The following SPHKAP variants were observed in gnomAD, a reference collection of about 807,000 sequenced individuals.
SPHKAP encodes the protein SPHK1 interactor, AKAP domain containing, also known as A-kinase anchor protein SPHKAP.
SPHKAP carries 67 observed loss-of-function variants against 137.5 expected under a neutral mutation model. That is an observed-to-expected ratio of 0.49 (90% CI 0.40 to 0.60). SPHKAP has a LOEUF of 0.60. SPHKAP is among the 20% of genes least tolerant of loss of function. The pLI, the probability that SPHKAP is intolerant of heterozygous loss-of-function variation, is 0.00. For missense variants in SPHKAP, 2,097 were observed against 2,069.3 expected, an observed-to-expected ratio of 1.01 and a Z score of -0.26; for synonymous variants, 813 against 785.3, an observed-to-expected ratio of 1.04 and a Z score of -0.59.
chr2:227,997,693 GCT>G (rs1693686953), intron 7 of SPHKAP, among the ~76,000 whole-genome samples: 1 of 152,128 alleles, frequency 6.6e-6, no homozygotes, highest in African/African-American at 2.4e-5. Flanking sequence ...TTTAGCTGGA[GCT>G]CTCTCCCTTG....
chr2:228,095,553 A>G (rs914534524), intron 3 of SPHKAP, among the ~76,000 whole-genome samples: 2 of 152,128 alleles, frequency 1.3e-5, no homozygotes, highest in Non-Finnish European at 2.9e-5. Context: ...AGCAGTGAAA[A>G]CATGTCAGTA....
intron 1 of SPHKAP, among the ~76,000 whole-genome samples, chr2:228,161,892 C>T (rs1700286696): frequency 6.6e-6 from 1 of 152,110 alleles, no homozygotes; most frequent in Non-Finnish European, 1.5e-5. Context: ...TTGTTTATAG[C>T]ATTGCCAGTA....
intron 3 of SPHKAP, among the ~76,000 whole-genome samples, chr2:228,080,187 C>T (rs992640330): frequency 1.3e-5 from 2 of 151,842 alleles, no homozygotes; most frequent in Non-Finnish European, 2.9e-5. Context: ...AGTGAAGAGA[C>T]AACATATGGA....
At chr2:228,052,393 T>A (rs986163044) in intron 3 of SPHKAP, among the ~76,000 whole-genome samples, 1 of 152,150 alleles carries the variant, frequency 6.6e-6, no homozygotes, top group African/African-American at 2.4e-5. Flanking sequence ...CTTAGCATCA[T>A]GAAATTCTAG....
At chr2:228,000,593 G>A (rs935095053) in intron 7 of SPHKAP, among the ~76,000 whole-genome samples, 7 of 150,734 alleles carry the variant, frequency 4.6e-5, no homozygotes, top group Non-Finnish European at 1.0e-4. Flanking sequence ...ACTCCAGCCT[G>A]GGAGACAGTA....
chr2:228,080,766 A>G (rs1221290770), intron 3 of SPHKAP, among the ~76,000 whole-genome samples: 151 of 66,670 alleles, frequency 2.3e-3, no homozygotes, highest in African/African-American at 9.0e-3. Context: ...ATAAAATAAA[A>G]TAAAATAAAA....
intron 2 of SPHKAP, chr2:228,131,611 T>G (rs889870684): frequency 3.9e-6 from 1 of 253,594 alleles, no homozygotes; most frequent in East Asian, 1.8e-4. Context: ...AGCCCTAAAG[T>G]TTTCTTAGAT....
rs781483667 is a variant in SPHKAP, at chr2:228,017,526, C to G, written c.3328G>C (p.Val1110Leu). The stretch of plus-strand genomic sequence containing the variant: ...TTGGAGACAGAGCTGGCCCTGCTGA[C>G]CGGCTGGCTCAGCGTGCTCATTAAG... ...LGLMSTLSQP[V>L]SRASSVSKQS... Residue 1110 changes from valine (V) to leucine (L), a missense_variant, in exon 7 of 12, where the codon GTC becomes CTC. Val to Leu is a conservative substitution (Grantham distance 32, BLOSUM62 1). Transcript: ENST00000392056. 4.8e-5 allele frequency: 77 copies of G among 1,612,928 alleles called. No homozygotes were observed. The highest frequency in any genetic ancestry group is 1.9e-5 in the Non-Finnish European group (22 of 1,179,646).
chr2:228,085,766 CT>C (rs1697517804), intron 3 of SPHKAP, among the ~76,000 whole-genome samples: 1 of 152,040 alleles, frequency 6.6e-6, no homozygotes, highest in African/African-American at 2.4e-5. Flanking sequence ...ACAAAAGCAC[CT>C]TTTGAAGTTG....
At chr2:228,014,833 T>C (rs1425092749) in intron 7 of SPHKAP, among the ~76,000 whole-genome samples, 2 of 152,202 alleles carry the variant, frequency 1.3e-5, no homozygotes, top group African/African-American at 4.8e-5. Flanking sequence ...AATATAGGCA[T>C]ATGTCTCTGA....
chr2:228,034,306 T>C (rs1376825581), intron 3 of SPHKAP, among the ~76,000 whole-genome samples: 1 of 152,134 alleles, frequency 6.6e-6, no homozygotes, highest in African/African-American at 2.4e-5. Flanking sequence ...CCTCGACATA[T>C]ACACCCTCCC....
intron 7 of SPHKAP, among the ~76,000 whole-genome samples, chr2:228,003,260 T>G (rs532480171): frequency 6.6e-6 from 1 of 152,320 alleles, no homozygotes; most frequent in Admixed American, 6.5e-5. Flanking sequence ...TGGTTTGTAG[T>G]TCTCCTTGAA....
intron 7 of SPHKAP, among the ~76,000 whole-genome samples, chr2:228,012,551 C>G (rs1366418997): frequency 6.6e-6 from 1 of 152,162 alleles, no homozygotes; most frequent in Admixed American, 6.5e-5. Context: ...TTTTTCTCAT[C>G]ACACTGTACA....
chr2:227,990,556 A>AT (rs1693375404), intron 11 of SPHKAP, among the ~76,000 whole-genome samples: 1 of 152,180 alleles, frequency 6.6e-6, no homozygotes, highest in Admixed American at 6.5e-5. Flanking sequence ...TAATAAATAA[A>AT]AAGTCTTCCT....
At chr2:228,025,868 A>G in intron 4 of SPHKAP, 1 of 984,890 alleles carries the variant, frequency 1.0e-6, no homozygotes, top group Non-Finnish European at 1.2e-6. Context: ...TGCATAAAAC[A>G]TTTTTTGTTT....
At chr2:228,131,368 T>C in intron 2 of SPHKAP, 1 of 926,966 alleles carries the variant, frequency 1.1e-6, no homozygotes, top group Non-Finnish European at 1.3e-6. Flanking sequence ...ACCAGGATCG[T>C]GGACATTCTA....
At chr2:227,981,987 G>A in intron 11 of SPHKAP, 127 bp from the exon 12 acceptor site, 1 of 1,308,258 alleles carries the variant, frequency 7.6e-7, no homozygotes, top group Non-Finnish European at 9.8e-7. Flanking sequence ...TCAGAGGACT[G>A]TTTTCCGGGA....
intron 2 of SPHKAP, among the ~76,000 whole-genome samples, chr2:228,121,712 CT>C (rs761320148): frequency 8.8e-4 from 134 of 152,214 alleles, no homozygotes; most frequent in Non-Finnish European, 1.2e-3. Flanking sequence ...AGTGAGTTCC[CT>C]TCTCAAAAGG....
At chr2:228,143,729 C>A (rs1699679376) in intron 1 of SPHKAP, among the ~76,000 whole-genome samples, 1 of 136,896 alleles carries the variant, frequency 7.3e-6, no homozygotes, top group Non-Finnish European at 1.5e-5. Flanking sequence ...TAATCTCGAA[C>A]TCCTGACCTC....
Sources: allele counts gnomAD v4.1 joint callset (sites outside exome capture counted in the v4.1 genomes callset), GRCh38; gene constraint gnomAD v4.1.1; transcripts MANE v1.5; gene names NCBI Gene and HGNC (gene_info 2026-07-23, HGNC 2026-07-21).